The following CRB2 variants were observed in gnomAD, a reference collection of about 807,000 sequenced individuals.
CRB2 encodes crumbs cell polarity complex component 2.
In CRB2, 85 loss-of-function variants were observed where a neutral mutation model predicts 110.9. That is an observed-to-expected ratio of 0.77 (90% CI 0.64 to 0.92). The LOEUF (loss-of-function observed/expected upper bound fraction) is 0.92, where lower values mean the gene tolerates loss of function less well. Ranked by LOEUF, CRB2 falls within the 40% of genes least tolerant of loss-of-function variation. The probability of loss-of-function intolerance (pLI) is 0.00; values close to 1 mark genes in which losing one functional copy is unlikely to be tolerated. For synonymous variants in CRB2, 907 were observed against 831.0 expected (o/e 1.09, Z -1.57); for missense variants, 1,843 against 1,851.3 (o/e 1.00, Z 0.08).
At chr9:123,374,106 T>G (rs1448161131) in intron 10 of CRB2, 186 bp downstream of exon 10, 1 of 883,184 alleles carries the variant, frequency 1.1e-6, no homozygotes, top group East Asian at 2.7e-5. Context: ...ACACAACCAG[T>G]TAGCCTGGAA....
Position 123,375,224 on chromosome 9 carries a change from G to T in CRB2, c.3514G>T (p.Val1172Phe), listed in dbSNP as rs1177425687. 2 of 1,612,742 alleles carry T rather than the reference G, an allele frequency of 1.2e-6. No homozygotes were observed. Among genetic ancestry groups the T allele is most frequent in the Non-Finnish European group, 1.7e-6 (2 of 1,179,556 alleles). Residue 1172 changes from valine (V) to phenylalanine (F), a missense_variant, in exon 12 of 13, where the codon GTC (valine) becomes TTC (phenylalanine). Physicochemically the swap from Val to Phe is conservative, Grantham distance 50. Transcript: ENST00000373631. ...GCCCCCCTCCCTCTCCAGGTGTCAGGTCCCCACTCTCCCCTGTGAAGCCAA... is the reference window on the plus strand; with the variant it reads ...GCCCCCCTCCCTCTCCAGGTGTCAGTTCCCCACTCTCCCCTGTGAAGCCAA... Reference protein sequence around the residue: ...LEGLAGQRCQVPTLPCEANPC... With the variant: ...LEGLAGQRCQFPTLPCEANPC...
chr9:123,371,231 A>T lies in CRB2; in HGVS notation c.2089A>T (p.Thr697Ser), dbSNP rs2042011389. The stretch of plus-strand genomic sequence containing the variant: ...TGCCAATGACTCCGCAGCTGGCCTA[A>T]CAGTATTCCTGAGTGAGGGTCGGAT... Reference protein sequence around the residue: ...QFANDSAAGLTVFLSEGRIRA... With the variant: ...QFANDSAAGLSVFLSEGRIRA... The change falls in exon 8 of 13, where the codon ACA (threonine) becomes TCA (serine). Residue 697 changes from threonine to serine, a missense_variant. Coordinates refer to ENST00000373631, the MANE Select transcript of CRB2 (RefSeq NM_173689.7). 6.2e-7 allele frequency: 1 copy of T among 1,613,822 alleles called. No individual in the cohort carries two copies. Among genetic ancestry groups the T allele is most frequent in the Admixed American group, 1.7e-5 (1 of 60,004 alleles).
chr9:123,362,727 A>C, intron 1 of CRB2, 138 bp from the exon 2 acceptor site: 1 of 770,170 alleles, frequency 1.3e-6, no homozygotes. Flanking sequence ...TGGCTTGCAG[A>C]CCCCTGGCCC....
chr9:123,363,846 G>A (rs959513347), intron 2 of CRB2, among the ~76,000 whole-genome samples: 9 of 152,212 alleles, frequency 5.9e-5, no homozygotes, highest in African/African-American at 1.2e-4. Flanking sequence ...GGTCTGAGCC[G>A]AGAACATCCT....
chr9:123,373,332 G>C lies in CRB2; in HGVS notation c.2801G>C (p.Arg934Pro). ...VRNGSLAGGV[R>P]GGHGLPGAVL... ...AATGGCTCGCTGGCGGGGGGCGTGC[G>C]CGGAGGCCATGGCCTGCCCGGCGCT... Residue 934 changes from arginine (R) to proline (P), a missense_variant, in exon 10 of 13, where the codon CGC (arginine) becomes CCC (proline). By Grantham distance (103) the Arg-to-Pro change is moderately radical. Coordinates refer to ENST00000373631, the MANE Select transcript of CRB2 (RefSeq NM_173689.7). 6.2e-6 allele frequency: 9 copies of C among 1,443,996 alleles called. No individual in the cohort carries two copies. Among genetic ancestry groups the C allele is most frequent in the Non-Finnish European group, 8.1e-6 (9 of 1,107,472 alleles). 89.4% of individuals were successfully genotyped at this position (1,443,996 alleles called of 1,614,324 possible).
intron 1 of CRB2, among the ~76,000 whole-genome samples, chr9:123,360,877 A>T (rs542135248): frequency 1.7e-4 from 26 of 152,254 alleles, no homozygotes; most frequent in African/African-American, 6.0e-4. Flanking sequence ...GGACTGTGGC[A>T]CTATTGCATG....
intron 6 of CRB2, 118 bp from the exon 7 acceptor site, chr9:123,369,988 TGG>T: frequency 8.3e-7 from 1 of 1,209,264 alleles, no homozygotes; most frequent in Non-Finnish European, 1.1e-6. Flanking sequence ...AGAAATCCTC[TGG>T]GAATTGGTTT....
At chr9:123,363,235 A>T in intron 2 of CRB2, 47 bp downstream of exon 2, 1 of 1,534,352 alleles carries the variant, frequency 6.5e-7, no homozygotes, top group Non-Finnish European at 8.8e-7. Context: ...TGCAGATCGC[A>T]TCAGCTGCTC....
chr9:123,367,237 G>A lies in CRB2; in HGVS notation c.820G>A (p.Gly274Ser). The A allele has an allele frequency of 2.5e-6, 4 of 1,599,140 alleles. No individual in the cohort carries two copies. The highest frequency in any genetic ancestry group is 3.4e-6 in the Non-Finnish European group (4 of 1,177,832). The change falls in exon 5 of 13, where the codon GGC becomes AGC. Residue 274 changes from glycine (G) to serine (S), a missense_variant. Physicochemically the swap from Gly to Ser is moderately conservative, Grantham distance 56. Transcript: ENST00000373631. The stretch of plus-strand genomic sequence containing the variant: ...TGCATCGAGCCCCTGCCAGCATGGG[G>A]GCCGATGCCTGCAGCGCTCTGACCC... ...ECASSPCQHG[G>S]RCLQRSDPAL...
chr9:123,372,744 G>T (rs1269370887), intron 9 of CRB2, among the ~76,000 whole-genome samples: 1 of 152,178 alleles, frequency 6.6e-6, no homozygotes, highest in Non-Finnish European at 1.5e-5. Context: ...AAACAGGAGA[G>T]GGGCATGACC....
intron 12 of CRB2, among the ~76,000 whole-genome samples, chr9:123,376,078 A>G (rs1160014403): frequency 6.9e-6 from 1 of 145,174 alleles, no homozygotes; most frequent in Non-Finnish European, 1.5e-5. Context: ...CTACCCAGCC[A>G]CCTCCCCAGG....
Position 123,372,936 on chromosome 9 carries a change from C to G in CRB2, c.2603-198C>G, listed in dbSNP as rs77452342. 2.6e-5 allele frequency among the ~76,000 whole-genome samples: 4 copies of G among 152,332 alleles called. No individual in the cohort carries two copies. The East Asian group carries it at 7.7e-4, about 29-fold the overall frequency. On this transcript the variant is annotated intron_variant, in intron 9 of 12. Transcript: ENST00000373631. ...CCCCCAGCACTGGCCGGGAACTGCTCCTCCATGGGTAGGAAATACATTGGG... is the reference window on the plus strand; with the variant it reads ...CCCCCAGCACTGGCCGGGAACTGCTGCTCCATGGGTAGGAAATACATTGGG...
At chr9:123,373,020 G>A (rs976620901) in intron 9 of CRB2, 114 bp from the exon 10 acceptor site, 6 of 818,530 alleles carry the variant, frequency 7.3e-6, no homozygotes, top group South Asian at 2.0e-5. Flanking sequence ...ATAGGTGGGT[G>A]CGTGTGCCCC....
chr9:123,374,103 C>T (rs774976432), intron 10 of CRB2, 183 bp downstream of exon 10: 12 of 891,138 alleles, frequency 1.3e-5, no homozygotes, highest in East Asian at 1.1e-4. Flanking sequence ...AAAACACAAC[C>T]AGTTAGCCTG....
chr9:123,378,818 T>TTG (rs1564383028), downstream of CRB2: 4 of 128,224 alleles, frequency 3.1e-5, no homozygotes, highest in Admixed American at 7.7e-5. Context: ...TTTTTTTTTT[T>TTG]TTTTTTTTTT....
At chr9:123,354,401 C>T (rs570914247), upstream of CRB2, among the ~76,000 whole-genome samples, 1 of 152,384 alleles carries the variant, frequency 6.6e-6, no homozygotes, top group African/African-American at 2.4e-5. Context: ...CCCCAGCCCC[C>T]CATTGGGATT....
chr9:123,359,449 T>G (rs374861131), intron 1 of CRB2, among the ~76,000 whole-genome samples: 47,408 of 132,092 alleles, frequency 0.36, 10,408 homozygotes, highest in Non-Finnish European at 0.47. Context: ...TTGTTTTTTT[T>G]TTTTTTTTTT....
intron 8 of CRB2, 30 bp downstream of exon 8, chr9:123,371,608 G>A (rs1032974442): frequency 3.7e-6 from 6 of 1,608,286 alleles, no homozygotes; most frequent in African/African-American, 1.3e-5. Flanking sequence ...GGTGGTGGTG[G>A]GGTGGGGAGT....
At chr9:123,354,078 C>A (rs1369046893), upstream of CRB2, among the ~76,000 whole-genome samples, 1 of 152,200 alleles carries the variant, frequency 6.6e-6, no homozygotes, top group Non-Finnish European at 1.5e-5. Flanking sequence ...GACCAGGGAG[C>A]GGTCAAGATG....
Sources: allele counts gnomAD v4.1 joint callset (sites outside exome capture counted in the v4.1 genomes callset), GRCh38; gene constraint gnomAD v4.1.1; transcripts MANE v1.5; gene names NCBI Gene and HGNC (gene_info 2026-07-23, HGNC 2026-07-21).